The following RERE variants were observed in gnomAD, a reference collection of about 807,000 sequenced individuals.
The protein encoded by RERE is arginine-glutamic acid dipeptide repeats.
RERE carries 40 observed loss-of-function variants against 146.1 expected under a neutral mutation model. The observed-to-expected ratio is 0.27, with a 90% CI of 0.21 to 0.36. The LOEUF is 0.36. Ranked by LOEUF, RERE falls within the 10% of genes least tolerant of loss-of-function variation. The pLI, the probability that RERE is intolerant of heterozygous loss-of-function variation, is 1.00. For missense variants in RERE, 1,933 were observed against 2,138.7 expected, an observed-to-expected ratio of 0.90 and a Z score of 1.90; for synonymous variants, 1,003 against 866.0, an observed-to-expected ratio of 1.16 and a Z score of -2.78.
chr1:8,724,886 A>C lies in RERE; in HGVS notation c.-144-68445T>G, dbSNP rs1397268619. 4.0e-5 allele frequency among the ~76,000 whole-genome samples: 6 copies of C among 150,952 alleles called. No individual in the cohort carries two copies. In the East Asian group the frequency reaches 7.7e-4, roughly 19 times the overall value. ...TTCTAGATACTTTGTAAAAAAAAAA[A>C]AAAACAACTCAACCTTCTTTCCTAG... On this transcript the variant is annotated intron_variant, in intron 1 of 22. Coordinates refer to ENST00000400908, the MANE Select transcript of RERE (RefSeq NM_001042681.2).
intron 8 of RERE, among the ~76,000 whole-genome samples, chr1:8,500,769 GCCT>G (rs1645124284): frequency 6.6e-6 from 1 of 151,452 alleles, no homozygotes; most frequent in African/African-American, 2.4e-5. Flanking sequence ...AGCGAGGAGC[GCCT>G]CTTCCCCGCC....
At chr1:8,415,338 C>A (rs1242795220) in intron 12 of RERE, among the ~76,000 whole-genome samples, 1 of 152,190 alleles carries the variant, frequency 6.6e-6, no homozygotes. Flanking sequence ...ATCTAAAAGT[C>A]ATCCAGGTAA....
At chr1:8,503,368 G>A (rs565278051) in intron 8 of RERE, among the ~76,000 whole-genome samples, 2 of 152,226 alleles carry the variant, frequency 1.3e-5, no homozygotes, top group East Asian at 1.9e-4. Flanking sequence ...CAGCCATCCC[G>A]CTTCTGGGGA....
At chr1:8,706,695 T>C (rs1158386050) in intron 1 of RERE, among the ~76,000 whole-genome samples, 2 of 152,216 alleles carry the variant, frequency 1.3e-5, no homozygotes, top group African/African-American at 4.8e-5. Context: ...ACACTGAACT[T>C]ACTTTATTTT....
chr1:8,740,401 G>A (rs530678338), intron 1 of RERE, among the ~76,000 whole-genome samples: 24 of 152,294 alleles, frequency 1.6e-4, no homozygotes, highest in African/African-American at 5.8e-4. Context: ...AAATGTGAAG[G>A]CCTAGGACAT....
intron 12 of RERE, among the ~76,000 whole-genome samples, chr1:8,403,275 C>G (rs1419567866): frequency 6.6e-6 from 1 of 152,072 alleles, no homozygotes; most frequent in Non-Finnish European, 1.5e-5. Flanking sequence ...TTTGTTGTCT[C>G]TTTTGAAATT....
chr1:8,760,103 G>A (rs949444543), intron 1 of RERE, among the ~76,000 whole-genome samples: 1 of 152,140 alleles, frequency 6.6e-6, no homozygotes, highest in African/African-American at 2.4e-5. Context: ...TCAGCTCACT[G>A]CAACCTCTGC....
intron 1 of RERE, among the ~76,000 whole-genome samples, chr1:8,811,223 C>G (rs1641800540): frequency 6.6e-6 from 1 of 152,162 alleles, no homozygotes; most frequent in African/African-American, 2.4e-5. Context: ...TGCTCACACT[C>G]CCCCTGAACT....
chr1:8,705,706 TTGAA>T (rs894848067), intron 1 of RERE, among the ~76,000 whole-genome samples: 9 of 152,218 alleles, frequency 5.9e-5, no homozygotes, highest in African/African-American at 2.2e-4. Flanking sequence ...CACAAATCTG[TTGAA>T]TGAATAAATG....
chr1:8,731,698 A>C (rs1411130698), intron 1 of RERE, among the ~76,000 whole-genome samples: 1 of 152,164 alleles, frequency 6.6e-6, no homozygotes, highest in Non-Finnish European at 1.5e-5. Context: ...AAACAAGAAA[A>C]CTACAGGAAA....
intron 12 of RERE, among the ~76,000 whole-genome samples, chr1:8,416,971 GACA>G (rs1156824392): frequency 2.1e-5 from 3 of 143,452 alleles, no homozygotes; most frequent in African/African-American, 3.0e-5. Context: ...AGTGAGGATA[GACA>G]ACGTTTGTAG....
Position 8,634,944 on chromosome 1 carries a change from C to T in RERE, c.326-10564G>A, listed in dbSNP as rs148630454. On this transcript the variant is annotated intron_variant, in intron 2 of 22. Coordinates refer to ENST00000400908, the MANE Select transcript of RERE (RefSeq NM_001042681.2). ...TAGAGATGAGGTTTCACTGTGTTAG[C>T]CAGGATGGTCTTGATCTCCCGACCT... 6.5e-3 allele frequency among the ~76,000 whole-genome samples: 984 copies of T among 152,248 alleles called. 12 individuals carry two copies. The highest frequency in any genetic ancestry group is 5.8e-3 in the Admixed American group (89 of 15,282).
chr1:8,640,499 T>C (rs1303596418), intron 2 of RERE, among the ~76,000 whole-genome samples: 2 of 152,204 alleles, frequency 1.3e-5, no homozygotes, highest in East Asian at 3.8e-4. Context: ...CTTGCAAACA[T>C]AACTGAATAG....
intron 7 of RERE, among the ~76,000 whole-genome samples, chr1:8,535,800 A>T (rs999987675): frequency 2.0e-5 from 3 of 152,126 alleles, no homozygotes; most frequent in Non-Finnish European, 4.4e-5. Context: ...GAGGTGGGAG[A>T]AAAGCGGACA....
chr1:8,661,018 A>AG (rs911150639), intron 1 of RERE, among the ~76,000 whole-genome samples: 24 of 152,314 alleles, frequency 1.6e-4, no homozygotes, highest in African/African-American at 5.5e-4. Flanking sequence ...TCAGCAGTGG[A>AG]GAGAGACCAC....
Position 8,401,024 on chromosome 1 carries a change from AAAAAAAAAAAAAC to A in RERE, c.1284+21690_1284+21702del, listed in dbSNP as rs1643236099. ...CACAGTGAGACTCTGTCTCAAAAAA[AAAAAAAAAAAAAC>A]CATATATATATATATATATATATAT... On this transcript the variant is annotated intron_variant, in intron 12 of 22. Coordinates refer to ENST00000400908, the MANE Select transcript of RERE (RefSeq NM_001042681.2). 3.8e-5 allele frequency among the ~76,000 whole-genome samples: 2 copies of A among 53,326 alleles called. 1 individual carries two copies. Among genetic ancestry groups the A allele is most frequent in the Non-Finnish European group, 8.3e-5 (2 of 24,228 alleles). The allele number at this position is 53,326 out of a possible 152,430, so 35.0% of individuals were successfully genotyped here.
At chr1:8,642,031 T>C (rs1021032222) in intron 2 of RERE, among the ~76,000 whole-genome samples, 3 of 152,210 alleles carry the variant, frequency 2.0e-5, no homozygotes, top group African/African-American at 7.2e-5. Flanking sequence ...GAATCAAAAG[T>C]ATCGTATTAA....
intron 11 of RERE, among the ~76,000 whole-genome samples, chr1:8,438,476 A>G (rs1423531379): frequency 1.3e-5 from 2 of 152,238 alleles, no homozygotes; most frequent in Non-Finnish European, 2.9e-5. Flanking sequence ...TCACAGCAAA[A>G]CGGAACAGAA....
chr1:8,665,656 G>A (rs761670664), intron 1 of RERE, among the ~76,000 whole-genome samples: 1 of 152,166 alleles, frequency 6.6e-6, no homozygotes. Context: ...AGGGGAAAAA[G>A]AGCAGTACAA....
Sources: allele counts gnomAD v4.1 joint callset (sites outside exome capture counted in the v4.1 genomes callset), GRCh38; gene constraint gnomAD v4.1.1; transcripts MANE v1.5; gene names NCBI Gene and HGNC (gene_info 2026-07-23, HGNC 2026-07-21).